DOCK9: variants seen among roughly 807,000 people sequenced by gnomAD.
DOCK9 encodes dedicator of cytokinesis protein 9.
DOCK9 carries 89 observed loss-of-function variants against 263.3 expected under a neutral mutation model. The observed-to-expected ratio is 0.34, with a 90% confidence interval of 0.28 to 0.40. The LOEUF is 0.40. DOCK9 is among the 10% of genes least tolerant of loss of function. The pLI, the probability that DOCK9 is intolerant of heterozygous loss-of-function variation, is 1.00. For missense variants in DOCK9, 2,140 were observed against 2,603.4 expected (o/e 0.82, Z 3.87); for synonymous variants, 976 against 973.1 (o/e 1.00, Z -0.06).
intron 1 of DOCK9, among the ~76,000 whole-genome samples, chr13:99,039,501 G>A (rs1595962385): frequency 6.6e-6 from 1 of 152,214 alleles, no homozygotes; most frequent in Admixed American, 6.5e-5. Context: ...AGAAAGTCAT[G>A]TGTGTAATAT....
intron 14 of DOCK9, among the ~76,000 whole-genome samples, chr13:98,897,828 A>G (rs1331790532): frequency 2.0e-5 from 3 of 152,224 alleles, no homozygotes; most frequent in African/African-American, 7.2e-5. Flanking sequence ...GTGCTTAGGA[A>G]ACAATATACA....
intron 38 of DOCK9, among the ~76,000 whole-genome samples, chr13:98,841,126 A>G (rs1214885932): frequency 6.6e-6 from 1 of 152,242 alleles, no homozygotes; most frequent in Non-Finnish European, 1.5e-5. Flanking sequence ...TGATACCCCA[A>G]GGTAAAATTT....
intron 1 of DOCK9, among the ~76,000 whole-genome samples, chr13:99,010,277 CG>C (rs908325216): frequency 3.3e-5 from 5 of 152,184 alleles, no homozygotes; most frequent in Admixed American, 2.0e-4. Flanking sequence ...AGCTACTTGA[CG>C]TGGAATATGA....
intron 1 of DOCK9, among the ~76,000 whole-genome samples, chr13:99,036,190 T>C (rs1243636870): frequency 6.6e-6 from 1 of 152,182 alleles, no homozygotes; most frequent in African/African-American, 2.4e-5. Flanking sequence ...TAGAGAACCC[T>C]ATTATACTGT....
intron 38 of DOCK9, among the ~76,000 whole-genome samples, chr13:98,838,381 G>A (rs2093086714): frequency 6.6e-6 from 1 of 152,220 alleles, no homozygotes; most frequent in African/African-American, 2.4e-5. Flanking sequence ...GAGGTGTTAA[G>A]TCAATAACTT....
intron 1 of DOCK9, chr13:98,959,596 C>T (rs966114550): frequency 3.3e-5 from 5 of 152,296 alleles, no homozygotes; most frequent in Non-Finnish European, 7.3e-5. Flanking sequence ...ACAATGCCTC[C>T]CTTCTACAGG....
At chr13:98,887,218 TA>T (rs1320031183) in intron 18 of DOCK9, among the ~76,000 whole-genome samples, 2 of 145,766 alleles carry the variant, frequency 1.4e-5, no homozygotes, top group Non-Finnish European at 3.0e-5. Context: ...ATAGTCACAG[TA>T]AAACAATTTG....
chr13:98,902,807 C>T (rs1442775728), intron 11 of DOCK9, among the ~76,000 whole-genome samples, 165 bp downstream of exon 11: 1 of 152,208 alleles, frequency 6.6e-6, no homozygotes, highest in Admixed American at 6.5e-5. Context: ...TCTTCCATCA[C>T]GAACATCCTG....
At chr13:98,796,275 C>T (rs748366012) in intron 52 of DOCK9, 26 of 1,411,056 alleles carry the variant, frequency 1.8e-5, no homozygotes, top group South Asian at 7.4e-5. Flanking sequence ...CACTGACGTT[C>T]GTTTCCTGCA....
chr13:98,810,109 G>C (rs775363066), intron 46 of DOCK9, 60 bp downstream of exon 46: 1 of 1,606,300 alleles, frequency 6.2e-7, no homozygotes, highest in Non-Finnish European at 8.5e-7. Flanking sequence ...ATGCAGGTCT[G>C]GGTATATGTC....
chr13:99,045,023 T>C (rs1888822704), intron 1 of DOCK9, among the ~76,000 whole-genome samples: 1 of 152,114 alleles, frequency 6.6e-6, no homozygotes, highest in Non-Finnish European at 1.5e-5. Context: ...ACTAAGAGGA[T>C]GTGGTGGAAA....
At chr13:98,832,676 C>T (rs2092810131) in intron 39 of DOCK9, among the ~76,000 whole-genome samples, 2 of 152,188 alleles carry the variant, frequency 1.3e-5, no homozygotes, top group African/African-American at 2.4e-5. Context: ...GGATGAACTT[C>T]GTGTCTAATG....
intron 45 of DOCK9, among the ~76,000 whole-genome samples, chr13:98,816,936 G>A (rs2091907288): frequency 6.6e-6 from 1 of 151,996 alleles, no homozygotes; most frequent in Non-Finnish European, 1.5e-5. Flanking sequence ...TGGCACACTC[G>A]GAGCTTCCTA....
Position 98,797,500 on chromosome 13 carries a change from A to C in DOCK9, c.5917-11T>G, listed in dbSNP as rs1566500105. The C allele has an allele frequency of 6.2e-7, 1 of 1,602,068 alleles. No individual in the cohort carries two copies. The highest frequency in any genetic ancestry group is 1.7e-5 in the Admixed American group (1 of 58,310). On this transcript the variant is annotated splice_polypyrimidine_tract_variant and intron_variant, in intron 50 of 52. Transcript: ENST00000682017. ...TGGGCCAGCATTGACCTAGACAAAG[A>C]GCAAAGATTTTCAGTTCCACTAGGA... is the stretch of plus-strand genomic sequence containing the variant.
chr13:98,888,085 G>T, intron 18 of DOCK9, 73 bp downstream of exon 18: 1 of 984,798 alleles, frequency 1.0e-6, no homozygotes, highest in Non-Finnish European at 1.5e-6. Context: ...TAGTTGTACG[G>T]TATCATGAAA....
intron 1 of DOCK9, among the ~76,000 whole-genome samples, chr13:99,082,392 G>A (rs1383790695): frequency 4.0e-5 from 6 of 151,332 alleles, no homozygotes; most frequent in Non-Finnish European, 7.4e-5. Flanking sequence ...GGTGGTGGGC[G>A]CCTATAATCT....
At chr13:98,892,728 C>A (rs886640566) in intron 15 of DOCK9, among the ~76,000 whole-genome samples, 1 of 152,128 alleles carries the variant, frequency 6.6e-6, no homozygotes, top group South Asian at 2.1e-4. Context: ...CATATGAGGG[C>A]AATCACTTTC....
chr13:98,842,543 A>G (rs1477618212), intron 38 of DOCK9, among the ~76,000 whole-genome samples: 1 of 152,246 alleles, frequency 6.6e-6, no homozygotes, highest in South Asian at 2.1e-4. Flanking sequence ...ACAACACGAC[A>G]TCAAAGTAAA....
chr13:98,864,216 A>G (rs1177590274), intron 30 of DOCK9, among the ~76,000 whole-genome samples: 1 of 152,250 alleles, frequency 6.6e-6, no homozygotes, highest in Non-Finnish European at 1.5e-5. Context: ...ACTAAAATTG[A>G]AGTGGACAAA....
Sources: allele counts gnomAD v4.1 joint callset (sites outside exome capture counted in the v4.1 genomes callset), GRCh38; gene constraint gnomAD v4.1.1; transcripts MANE v1.5; gene names NCBI Gene and HGNC (gene_info 2026-07-23, HGNC 2026-07-21).